RMDN1: variants seen among roughly 807,000 people sequenced by gnomAD.
RMDN1 encodes the protein regulator of microtubule dynamics 1.
A neutral mutation model predicts 48.9 loss-of-function variants in RMDN1; 48 were observed. The ratio of observed to expected loss-of-function variants is 0.98; its 90% CI spans 0.78 to 1.25. The LOEUF is 1.25. Among genes scored for constraint, RMDN1 ranks in the 50% most tolerant of loss-of-function variants. The probability of loss-of-function intolerance (pLI) is 0.00; values close to 1 mark genes in which losing one functional copy is unlikely to be tolerated. For missense variants in RMDN1, 418 were observed against 373.4 expected (o/e 1.12, Z -0.98); for synonymous variants, 148 against 132.6 (o/e 1.12, Z -0.80).
intron 1 of RMDN1, chr8:86,508,286 CCTT>C (rs1355002177): frequency 7.8e-6 from 4 of 515,514 alleles, no homozygotes; most frequent in Non-Finnish European, 1.3e-5. Flanking sequence ...AAACCCCACT[CCTT>C]CTCTGACAGC....
chr8:86,478,062 ATTT>A (rs927436481), intron 7 of RMDN1: 3 of 151,544 alleles, frequency 2.0e-5, no homozygotes, highest in African/African-American at 4.8e-5. Context: ...TAATTTTTGT[ATTT>A]TTTTTGCAGA....
chr8:86,503,589 A>C, intron 2 of RMDN1: 1 of 437,118 alleles, frequency 2.3e-6, no homozygotes, highest in East Asian at 5.6e-5. Context: ...CGGACACAGA[A>C]GGTCACCCCA....
chr8:86,505,959 A>G (rs1819272504), intron 2 of RMDN1, among the ~76,000 whole-genome samples: 1 of 152,210 alleles, frequency 6.6e-6, no homozygotes, highest in Admixed American at 6.5e-5. Flanking sequence ...TACATGTAGT[A>G]GTACTTGAAA....
rs765558848 is a variant in RMDN1, at chr8:86,486,621, G to A, written c.358C>T (p.Arg120Cys). The A allele has an allele frequency of 6.9e-6, 11 of 1,598,728 alleles. No homozygotes were observed. The highest frequency in any genetic ancestry group is 8.5e-6 in the Non-Finnish European group (10 of 1,172,724). ...ACATCACGTGATGCCCGTGCCAAAC[G>A]CCACAGTAACTCTGCATCTTCACTA... Reference protein sequence around the residue: ...KESEDAELLWRLARASRDVAQ... With the variant: ...KESEDAELLWCLARASRDVAQ... Residue 120 changes from arginine to cysteine, a missense_variant, in exon 4 of 10, where the codon CGT (arginine) becomes TGT (cysteine). By Grantham distance (180) the Arg-to-Cys change is radical. Coordinates refer to ENST00000406452, the MANE Select transcript of RMDN1 (RefSeq NM_016033.3).
intron 6 of RMDN1, 117 bp downstream of exon 6, chr8:86,480,160 C>CT (rs1472570154): frequency 1.9e-6 from 1 of 531,948 alleles, no homozygotes; most frequent in Non-Finnish European, 3.3e-6. Context: ...ACTCTAAGCT[C>CT]TGTCAGATAA....
At position 86,488,592 on chromosome 8, in the gene RMDN1, T is replaced by C. The variant is rs1296288938; in HGVS notation, c.295A>G (p.Thr99Ala). The change falls in exon 3 of 10, where the codon ACA (threonine) becomes GCA (alanine). Residue 99 changes from threonine to alanine, a missense_variant. Transcript: ENST00000406452. ...GTTAGCAACTGATAAAGTTTTTCTG[T>C]TTCTCCGCTTTCATACAGGTAGTCT... ...QADYLYESGE[T>A]EKLYQLLTQY... The C allele has an allele frequency of 3.1e-6, 5 of 1,611,470 alleles. No homozygotes were observed. The highest frequency in any genetic ancestry group is 4.2e-6 in the Non-Finnish European group (5 of 1,178,802).
chr8:86,474,340 G>A lies in RMDN1; in HGVS notation c.913C>T (p.Gln305Ter). ...EDKQIQTEAA[Q>*]LLTSFSEKN ...TTCTCACTGAAACTTGTAAGCAACTGAGCAGCTTCTGTCTGTATCTAAAAT... is the reference window on the plus strand; with the variant it reads ...TTCTCACTGAAACTTGTAAGCAACTAAGCAGCTTCTGTCTGTATCTAAAAT... Residue 305 changes from glutamine to a stop codon, truncating the protein, a stop_gained, in exon 10 of 10, where the codon CAG (glutamine) becomes TAG (stop). Coordinates refer to ENST00000406452, the MANE Select transcript of RMDN1 (RefSeq NM_016033.3). LOFTEE classifies it high-confidence loss of function. 6.2e-7 allele frequency: 1 copy of A among 1,613,110 alleles called. No homozygotes were observed. The highest frequency in any genetic ancestry group is 1.1e-5 in the South Asian group (1 of 90,996).
chr8:86,473,324 C>T lies in RMDN1; in HGVS notation c.*984G>A. On this transcript the variant is annotated 3_prime_UTR_variant, in exon 10 of 10. Transcript: ENST00000406452. The stretch of plus-strand genomic sequence containing the variant: ...AAAAGATTTTGCAGTGGTGGCACTC[C>T]AGCCTCAAGTGAGTAGCATAGTCCT... The T allele has an allele frequency of 1.0e-6, 1 of 985,422 alleles. No individual in the cohort carries two copies. Among genetic ancestry groups the T allele is most frequent in the Non-Finnish European group, 1.2e-6 (1 of 829,922 alleles). 61.0% of individuals were successfully genotyped at this position (985,422 alleles called of 1,614,324 possible). A position where few individuals can be genotyped will look rare whatever the true frequency, so the allele number is the denominator to read the frequency against.
chr8:86,510,012 A>C (rs1819962253), upstream of RMDN1, among the ~76,000 whole-genome samples: 1 of 152,148 alleles, frequency 6.6e-6, no homozygotes. Context: ...TCTCTGCTAG[A>C]GTGAATTTGT....
intron 2 of RMDN1, among the ~76,000 whole-genome samples, chr8:86,497,713 A>C (rs1465631929): frequency 6.6e-6 from 1 of 151,296 alleles, no homozygotes; most frequent in Non-Finnish European, 1.5e-5. Context: ...AAAAAAAAAA[A>C]AAGAAAGAAA....
intron 9 of RMDN1, chr8:86,474,583 T>C: frequency 1.4e-6 from 1 of 710,210 alleles, no homozygotes; most frequent in Non-Finnish European, 2.5e-6. Context: ...CTGCCATGTG[T>C]GTCAAACAGG....
upstream of RMDN1, chr8:86,508,798 G>C (rs376434732): frequency 5.4e-5 from 67 of 1,247,752 alleles, no homozygotes; most frequent in South Asian, 1.1e-3. Flanking sequence ...ACGGGCTTAG[G>C]GGGTGGGAAA....
At position 86,488,537 on chromosome 8, in the gene RMDN1, T is replaced by C; in HGVS notation, c.335+15A>G. Reference sequence around the variant, plus strand: ...TGAGGAAACCACAAGCCTAGGCCTATCCTACATTGCTTACCTTTCCTTGTA... The same window carrying C: ...TGAGGAAACCACAAGCCTAGGCCTACCCTACATTGCTTACCTTTCCTTGTA... On this transcript the variant is annotated intron_variant, in intron 3 of 9. Coordinates refer to ENST00000406452, the MANE Select transcript of RMDN1 (RefSeq NM_016033.3). 1.3e-6 allele frequency: 2 copies of C among 1,577,682 alleles called. No individual in the cohort carries two copies. The highest frequency in any genetic ancestry group is 1.7e-6 in the Non-Finnish European group (2 of 1,154,076).
At chr8:86,504,457 T>C in intron 2 of RMDN1, 1 of 1,556,856 alleles carries the variant, frequency 6.4e-7, no homozygotes, top group Non-Finnish European at 8.9e-7. Context: ...GTTCTATTAC[T>C]CAACAGGAAT....
In RMDN1 at chr8:86,491,246, T is replaced by A. The variant is rs148954855; in HGVS notation, c.248-2607A>T. Among the ~76,000 whole-genome samples the A allele has an allele frequency of 1.7e-3, 264 of 152,216 alleles. 3 individuals are homozygous for A. The highest frequency in any genetic ancestry group is 6.1e-3 in the African/African-American group (254 of 41,542). ...GCCTCCCAAGTTCAAGCGATTCTCC[T>A]GCCTCAGCCTCCTGAGTAGCTGAGA... On this transcript the variant is annotated intron_variant, in intron 2 of 9. Transcript: ENST00000406452.
chr8:86,468,641 C>T (rs549500250), downstream of RMDN1: 28 of 454,882 alleles, frequency 6.2e-5, 1 homozygote, highest in South Asian at 3.6e-4. Flanking sequence ...CTTTCCAGTT[C>T]GTTTTCAGGG....
intron 2 of RMDN1, among the ~76,000 whole-genome samples, chr8:86,493,065 G>A (rs959224974): frequency 2.0e-5 from 3 of 150,990 alleles, no homozygotes; most frequent in Admixed American, 1.3e-4. Context: ...AAGGGCCAGC[G>A]AAGTTATATT....
intron 2 of RMDN1, among the ~76,000 whole-genome samples, chr8:86,494,156 A>T (rs911298724): frequency 2.6e-5 from 4 of 152,220 alleles, no homozygotes; most frequent in African/African-American, 9.6e-5. Flanking sequence ...AACCATAGTT[A>T]ATAATAATGT....
chr8:86,483,018 C>A lies in RMDN1; in HGVS notation c.585+1854G>T, dbSNP rs1046856653. ...GCAGTGGCATCGTGGAGGCAGCCGCCCAGGCCAGGGTTTAATTTTCTTATG... is the reference window on the plus strand; with the variant it reads ...GCAGTGGCATCGTGGAGGCAGCCGCACAGGCCAGGGTTTAATTTTCTTATG... On this transcript the variant is annotated intron_variant, in intron 5 of 9. Coordinates refer to ENST00000406452, the MANE Select transcript of RMDN1 (RefSeq NM_016033.3). 54 of 599,462 alleles carry A rather than the reference C, an allele frequency of 9.0e-5. No individual in the cohort carries two copies. The Admixed American group carries it at 1.4e-3, about 15-fold the overall frequency. 37.1% of individuals were successfully genotyped at this position (599,462 alleles called of 1,614,324 possible).
Sources: allele counts gnomAD v4.1 joint callset (sites outside exome capture counted in the v4.1 genomes callset), GRCh38; gene constraint gnomAD v4.1.1; transcripts MANE v1.5; gene names NCBI Gene and HGNC (gene_info 2026-07-23, HGNC 2026-07-21).